MTOR: variants seen among roughly 807,000 people sequenced by gnomAD.
MTOR encodes serine/threonine-protein kinase mTOR.
Under a neutral mutation model 319.8 loss-of-function variants are expected in MTOR, and 70 were observed. The observed-to-expected ratio is 0.22, with a 90% CI of 0.18 to 0.27. The LOEUF is 0.27. MTOR is among the 10% of genes least tolerant of loss of function. The pLI is 1.00. For missense variants in MTOR, 1,890 were observed against 3,274.4 expected (o/e 0.58, Z 10.32); for synonymous variants, 1,183 against 1,211.4 (o/e 0.98, Z 0.49).
chr1:11,221,540 C>A (rs982912455), intron 19 of MTOR, among the ~76,000 whole-genome samples: 10 of 151,038 alleles, frequency 6.6e-5, no homozygotes, highest in African/African-American at 2.4e-4. Context: ...ATGGCTATGC[C>A]CAGGTTTGAG....
chr1:11,238,978 G>C (rs1461832042), intron 11 of MTOR, among the ~76,000 whole-genome samples: 2 of 147,164 alleles, frequency 1.4e-5, no homozygotes, highest in Non-Finnish European at 3.0e-5. Flanking sequence ...GTTTCACCAT[G>C]TTAGCTAGGA....
chr1:11,232,194 T>C (rs910514535), intron 16 of MTOR, among the ~76,000 whole-genome samples: 2 of 152,222 alleles, frequency 1.3e-5, no homozygotes, highest in Non-Finnish European at 2.9e-5. Flanking sequence ...TTTTCTTTTG[T>C]ATAGACAAAA....
Position 11,212,131 on chromosome 1 carries a change from G to A in MTOR, c.3561+181C>T, listed in dbSNP as rs371014233. Among the ~76,000 whole-genome samples the A allele has an allele frequency of 1.8e-4, 27 of 152,192 alleles. No homozygotes were observed. The highest frequency in any genetic ancestry group is 8.5e-4 in the Admixed American group (13 of 15,296). On this transcript the variant is annotated intron_variant, in intron 23 of 57. Transcript: ENST00000361445. This position sits in a 1 kb window ranked among gnomAD's most constrained non-coding sequence, Gnocchi z 4.1. The stretch of plus-strand genomic sequence containing the variant: ...CTGTTTACCGTGTTACCCCCAGAAC[G>A]GCACTTAGCTCACATAGGTTGCTCA...
chr1:11,194,041 T>C (rs1571129820), intron 28 of MTOR, among the ~76,000 whole-genome samples: 1 of 152,182 alleles, frequency 6.6e-6, no homozygotes, highest in African/African-American at 2.4e-5. Context: ...CAGTCAGCTG[T>C]GCCGAACACT....
intron 26 of MTOR, among the ~76,000 whole-genome samples, chr1:11,200,106 C>G (rs1194010407): frequency 6.6e-6 from 1 of 152,074 alleles, no homozygotes; most frequent in Admixed American, 6.5e-5. Context: ...TTTCTCTTCA[C>G]TGGAGGAAAT....
rs1240104641 is a variant in MTOR at position 11,130,780 on chromosome 1, G to A, written c.5365-3C>T. The A allele has an allele frequency of 6.4e-7, 1 of 1,561,142 alleles. No individual in the cohort carries two copies. Among genetic ancestry groups the A allele is most frequent in the East Asian group, 2.4e-5 (1 of 42,496 alleles). On this transcript the variant is annotated splice_region_variant and splice_polypyrimidine_tract_variant and intron_variant, in intron 38 of 57. Transcript: ENST00000361445. Reference sequence around the variant, plus strand: ...ATCACTGCCCACGCATGCCAGGCCTGGTTGGGGAGAAAGGCAAGGACAGAC... The same window carrying A: ...ATCACTGCCCACGCATGCCAGGCCTAGTTGGGGAGAAAGGCAAGGACAGAC...
At chr1:11,256,905 G>T (rs2100977872) in intron 4 of MTOR, 28 bp downstream of exon 4, 1 of 1,601,062 alleles carries the variant, frequency 6.2e-7, no homozygotes. Context: ...CCCCAAGCCT[G>T]GCTGTGCTCC....
chr1:11,229,610 T>C (rs1646953862), intron 18 of MTOR, among the ~76,000 whole-genome samples: 1 of 152,168 alleles, frequency 6.6e-6, no homozygotes, highest in Non-Finnish European at 1.5e-5. Context: ...GGAAGAAATG[T>C]GAAGCAATAT....
At chr1:11,222,347 C>T (rs2100829713) in intron 19 of MTOR, among the ~76,000 whole-genome samples, 1 of 152,142 alleles carries the variant, frequency 6.6e-6, no homozygotes, top group Non-Finnish European at 1.5e-5. Flanking sequence ...CAGGTGCCTG[C>T]CACCATGCCT....
chr1:11,145,529 C>T (rs548910071), intron 32 of MTOR, among the ~76,000 whole-genome samples: 1 of 151,720 alleles, frequency 6.6e-6, no homozygotes, highest in Non-Finnish European at 1.5e-5. Context: ...GGGTTACAGG[C>T]GCCCGCCACC....
At chr1:11,221,744 A>G (rs1646669670) in intron 19 of MTOR, among the ~76,000 whole-genome samples, 1 of 148,408 alleles carries the variant, frequency 6.7e-6, no homozygotes. Flanking sequence ...TATATTCTAT[A>G]TATATAGAAA....
Position 11,199,178 on chromosome 1 carries a change from C to G in MTOR, c.4253+80G>C, listed in dbSNP as rs550343856. ...ACAGAGCAGAAGTCTTCAAGTGACT[C>G]CAGTGAAGTGGCACCAGGCAGTGGG... On this transcript the variant is annotated intron_variant, in intron 28 of 57. Coordinates refer to ENST00000361445, the MANE Select transcript of MTOR (RefSeq NM_004958.4). This position sits in a 1 kb window ranked among gnomAD's most constrained non-coding sequence, Gnocchi z 4.5. The G allele has an allele frequency of 4.2e-4, 657 of 1,578,010 alleles. 10 individuals are homozygous for G. The South Asian group carries it at 6.1e-3, about 15-fold the overall frequency.
chr1:11,148,621 G>A (rs1644024100), intron 31 of MTOR, among the ~76,000 whole-genome samples: 1 of 152,096 alleles, frequency 6.6e-6, no homozygotes, highest in African/African-American at 2.4e-5. Flanking sequence ...AAAAATTAGG[G>A]CCAGGCGCTG....
At chr1:11,161,316 C>T (rs991235236) in intron 29 of MTOR, among the ~76,000 whole-genome samples, 5 of 152,228 alleles carry the variant, frequency 3.3e-5, no homozygotes, top group African/African-American at 1.2e-4. Context: ...CCCACCACAG[C>T]TCAAGGAGGC....
At chr1:11,142,452 C>A (rs1275750600) in intron 34 of MTOR, among the ~76,000 whole-genome samples, 1 of 152,090 alleles carries the variant, frequency 6.6e-6, no homozygotes, top group African/African-American at 2.4e-5. Context: ...CCACGCCTGG[C>A]TAATTTTTGT....
At chr1:11,213,661 G>A in intron 20 of MTOR, 95 bp from the exon 21 acceptor site, 7 of 1,211,842 alleles carry the variant, frequency 5.8e-6, no homozygotes, top group Non-Finnish European at 8.2e-6. Flanking sequence ...CAAAACTGTA[G>A]TGAGCATGGT....
chr1:11,218,170 G>T (rs1400190198), intron 19 of MTOR, among the ~76,000 whole-genome samples: 1 of 152,126 alleles, frequency 6.6e-6, no homozygotes, highest in Non-Finnish European at 1.5e-5. Flanking sequence ...GGTGGTTCAC[G>T]CCTGTAATCC....
At chr1:11,190,819 T>C (rs892150203) in intron 28 of MTOR, among the ~76,000 whole-genome samples, 6 of 152,196 alleles carry the variant, frequency 3.9e-5, no homozygotes, top group African/African-American at 1.2e-4. Flanking sequence ...ATAAAAACCA[T>C]TGGTCCCATT....
At chr1:11,177,847 A>T (rs1422093987) in intron 28 of MTOR, among the ~76,000 whole-genome samples, 2 of 152,204 alleles carry the variant, frequency 1.3e-5, no homozygotes, top group Non-Finnish European at 2.9e-5. Context: ...ACCACTTTTT[A>T]AAAAGAAAAA....
Sources: gnomAD v4.1 joint callset for allele counts (sites outside exome capture counted in the v4.1 genomes callset) on GRCh38, gnomAD v4.1.1 for gene constraint, Gnocchi (gnomAD v3.1) non-coding constraint, MANE v1.5 for transcripts, NCBI Gene and HGNC (gene_info 2026-07-23, HGNC 2026-07-21) for gene names.